The following SKAP2 variants were observed in gnomAD, a reference collection of about 807,000 sequenced individuals.
SKAP2 encodes src kinase-associated phosphoprotein 2.
In SKAP2, 28 loss-of-function variants were observed where a neutral mutation model predicts 54.9. The ratio of observed to expected loss-of-function variants is 0.51; its 90% CI spans 0.38 to 0.70. SKAP2 has a LOEUF of 0.70. SKAP2 is among the 30% of genes least tolerant of loss of function. The probability of loss-of-function intolerance (pLI) is 0.00; values close to 1 mark genes in which losing one functional copy is unlikely to be tolerated. For missense variants in SKAP2, 356 were observed against 424.1 expected, an observed-to-expected ratio of 0.84 and a Z score of 1.41; for synonymous variants, 137 against 134.3, an observed-to-expected ratio of 1.02 and a Z score of -0.14.
At chr7:26,864,298 C>T in intron 1 of SKAP2, 65 bp downstream of exon 1, 1 of 1,600,676 alleles carries the variant, frequency 6.2e-7, no homozygotes, top group Non-Finnish European at 8.6e-7. Context: ...TGCTTCTGTC[C>T]CCACCGGCTC....
chr7:26,752,748 A>G (rs1782712819), intron 4 of SKAP2, among the ~76,000 whole-genome samples: 1 of 152,222 alleles, frequency 6.6e-6, no homozygotes, highest in South Asian at 2.1e-4. Context: ...ACAAAGTTTA[A>G]TGACTTTGCA....
intron 3 of SKAP2, among the ~76,000 whole-genome samples, chr7:26,847,688 T>C (rs1334183528): frequency 1.3e-5 from 2 of 152,216 alleles, no homozygotes; most frequent in East Asian, 1.9e-4. Context: ...AGCCATTCTA[T>C]TACAATCACA....
At position 26,738,851 on chromosome 7, in the gene SKAP2, T is replaced by C. The variant is rs375337222; in HGVS notation, c.413A>G (p.Gln138Arg). The C allele has an allele frequency of 7.5e-6, 12 of 1,607,592 alleles. No homozygotes were observed. The African/African-American group carries it at 1.5e-4, about 20-fold the overall frequency. Residue 138 changes from glutamine to arginine, a missense_variant, in exon 6 of 13, where the codon CAG (glutamine) becomes CGG (arginine). By Grantham distance (43) the Gln-to-Arg change is conservative. Transcript: ENST00000345317. Reference sequence around the variant, plus strand: ...TTTACTGAGAGCACACCACCGTTTCTGCCATTCAAATCCCAGAAAGCTGTG... The same window carrying C: ...TTTACTGAGAGCACACCACCGTTTCCGCCATTCAAATCCCAGAAAGCTGTG... ...KDHSFLGFEW[Q>R]KRWCALSKTV...
At chr7:26,694,815 CT>C (rs1429056393) in intron 9 of SKAP2, among the ~76,000 whole-genome samples, 1 of 152,030 alleles carries the variant, frequency 6.6e-6, no homozygotes, top group Non-Finnish European at 1.5e-5. Context: ...AGTCATGGCC[CT>C]TTTTCCCCCT....
At chr7:26,684,643 T>C in intron 11 of SKAP2, 93 bp downstream of exon 11, 1 of 693,404 alleles carries the variant, frequency 1.4e-6, no homozygotes, top group Non-Finnish European at 2.5e-6. Flanking sequence ...GAATTCCAAT[T>C]GGCATTCTTC....
chr7:26,819,015 A>G (rs548515084), intron 4 of SKAP2, among the ~76,000 whole-genome samples: 37 of 152,232 alleles, frequency 2.4e-4, no homozygotes, highest in Admixed American at 1.2e-3. Flanking sequence ...ACAGTATGGC[A>G]ATTCCTCAAG....
At chr7:26,745,339 A>C (rs1354571865) in intron 4 of SKAP2, among the ~76,000 whole-genome samples, 1 of 152,260 alleles carries the variant, frequency 6.6e-6, no homozygotes, top group Non-Finnish European at 1.5e-5. Flanking sequence ...CCTGAACTCC[A>C]AAAAGTAAAG....
intron 4 of SKAP2, among the ~76,000 whole-genome samples, chr7:26,777,867 G>T (rs1428114775): frequency 6.6e-6 from 1 of 151,652 alleles, no homozygotes; most frequent in African/African-American, 2.4e-5. Flanking sequence ...CTACATACCT[G>T]GTAAAATCCT....
chr7:26,718,254 G>A (rs1385510749), intron 9 of SKAP2, among the ~76,000 whole-genome samples: 1 of 151,224 alleles, frequency 6.6e-6, no homozygotes, highest in Non-Finnish European at 1.5e-5. Context: ...ATAGGGGAGA[G>A]GAATGAGAAA....
At chr7:26,791,109 G>A (rs920898197) in intron 4 of SKAP2, among the ~76,000 whole-genome samples, 2 of 152,068 alleles carry the variant, frequency 1.3e-5, no homozygotes, top group Admixed American at 6.6e-5. Context: ...AACAGGGCAC[G>A]CTCCAAGAGG....
the SKAP2 span, among the ~76,000 whole-genome samples, chr7:26,660,495 T>C: frequency 3.9e-5 from 6 of 152,066 alleles, no homozygotes; most frequent in Non-Finnish European, 8.8e-5. Flanking sequence ...GTAGTATCAA[T>C]ACAGAGTATT....
intron 4 of SKAP2, among the ~76,000 whole-genome samples, chr7:26,787,591 C>T (rs369814815): frequency 9.9e-5 from 15 of 151,986 alleles, no homozygotes; most frequent in East Asian, 1.9e-4. Flanking sequence ...CCTCCCAAAG[C>T]GTTGGGATTA....
chr7:26,718,032 T>C (rs1460597895), intron 9 of SKAP2, among the ~76,000 whole-genome samples: 1 of 151,870 alleles, frequency 6.6e-6, no homozygotes, highest in African/African-American at 2.4e-5. Flanking sequence ...TATACATACA[T>C]ACATACATAC....
downstream of SKAP2, among the ~76,000 whole-genome samples, chr7:26,666,651 C>T (rs1021060500): frequency 1.3e-5 from 2 of 152,092 alleles, no homozygotes; most frequent in African/African-American, 4.8e-5. Context: ...TTCTTTTTCC[C>T]ATGGTCCTAT....
In SKAP2 at chr7:26,820,046, A is replaced by G. The variant is rs1255560749; in HGVS notation, c.307+23984T>C. ...AAAAAATCAAATATAAGCCTGGCGC[A>G]CTGGCACATGCCTATAGTCCCAGCT... is the stretch of plus-strand genomic sequence containing the variant. On this transcript the variant is annotated intron_variant, in intron 4 of 12. Coordinates refer to ENST00000345317, the MANE Select transcript of SKAP2 (RefSeq NM_003930.5). Among the ~76,000 whole-genome samples, 5 of 152,166 alleles carry G rather than the reference A, an allele frequency of 3.3e-5. No individual in the cohort carries two copies. In the South Asian group the frequency reaches 6.2e-4, roughly 19 times the overall value.
At chr7:26,688,843 T>C (rs1216696891) in intron 10 of SKAP2, among the ~76,000 whole-genome samples, 3 of 152,194 alleles carry the variant, frequency 2.0e-5, no homozygotes, top group African/African-American at 7.2e-5. Context: ...CCACTTTCTA[T>C]ACCTGCACTG....
intron 11 of SKAP2, among the ~76,000 whole-genome samples, chr7:26,680,697 A>C (rs1786471354): frequency 6.6e-6 from 1 of 152,230 alleles, no homozygotes; most frequent in East Asian, 1.9e-4. Context: ...GAATAGAAGT[A>C]TAAAGCAAAA....
intron 3 of SKAP2, among the ~76,000 whole-genome samples, chr7:26,853,269 G>T (rs10486484): frequency 0.039 from 5,902 of 152,224 alleles, 367 homozygotes; most frequent in African/African-American, 0.13. Flanking sequence ...TCAGTTAGAA[G>T]ATGCCATACT....
At position 26,668,188 on chromosome 7, in the gene SKAP2, CAT is replaced by C. The variant is rs1786148123; in HGVS notation, c.*1476_*1477del. 6.6e-6 allele frequency: 1 copy of C among 151,912 alleles called. No individual in the cohort carries two copies. Among genetic ancestry groups the C allele is most frequent in the African/African-American group, 2.4e-5 (1 of 41,350 alleles). 9.4% of individuals were successfully genotyped at this position (151,912 alleles called of 1,614,324 possible). On this transcript the variant is annotated 3_prime_UTR_variant, in exon 13 of 13. Transcript: ENST00000345317. Reference sequence around the variant, plus strand: ...TTTTAAAATATTACCAGCTCAGATACATGTTTAGAATCTTTATAAAGCAAAGA... The same window carrying C: ...TTTTAAAATATTACCAGCTCAGATACGTTTAGAATCTTTATAAAGCAAAGA...
Sources: gnomAD v4.1 joint callset for allele counts (sites outside exome capture counted in the v4.1 genomes callset) on GRCh38, gnomAD v4.1.1 for gene constraint, MANE v1.5 for transcripts, NCBI Gene and HGNC (gene_info 2026-07-23, HGNC 2026-07-21) for gene names.